DNHD1: variants seen among roughly 807,000 people sequenced by gnomAD.
DNHD1 encodes the protein dynein heavy chain domain 1.
In DNHD1, 383 loss-of-function variants were observed where a neutral mutation model predicts 458.1. The ratio of observed to expected loss-of-function variants is 0.84; its 90% CI spans 0.77 to 0.91. DNHD1 has a LOEUF of 0.91. Among genes scored for constraint, DNHD1 ranks in the 40% least tolerant of loss-of-function variants. The pLI, the probability that DNHD1 is intolerant of heterozygous loss-of-function variation, is 0.00. For missense variants in DNHD1, 5,336 were observed against 5,866.1 expected (o/e 0.91, Z 2.95); for synonymous variants, 2,203 against 2,376.9 (o/e 0.93, Z 2.13).
intron 7 of DNHD1, among the ~76,000 whole-genome samples, chr11:6,513,070 G>C (rs1852379333): frequency 6.6e-6 from 1 of 152,120 alleles, no homozygotes. Context: ...GACAATAAAT[G>C]CTGGACCTGC....
At chr11:6,525,028 T>C (rs1260513084) in intron 10 of DNHD1, among the ~76,000 whole-genome samples, 2 of 152,232 alleles carry the variant, frequency 1.3e-5, no homozygotes, top group Non-Finnish European at 2.9e-5. Context: ...AAGAGAGTTA[T>C]GTGTGGCGGA....
rs769631973 is a variant in DNHD1, at chr11:6,498,962, G to T, written c.746+1G>T. The T allele has an allele frequency of 5.6e-6, 9 of 1,594,346 alleles. No individual in the cohort carries two copies. Among genetic ancestry groups the T allele is most frequent in the Non-Finnish European group, 7.7e-6 (9 of 1,169,564 alleles). ...AGCCTGTTGGAAGAAAAGAGACCAG[G>T]TAAGTGAGGGACTCAGTCTAGGGCT... On this transcript the variant is annotated splice_donor_variant, in intron 3 of 42. Coordinates refer to ENST00000254579, the MANE Select transcript of DNHD1 (RefSeq NM_144666.3). LOFTEE classifies it high-confidence loss of function.
intron 7 of DNHD1, among the ~76,000 whole-genome samples, chr11:6,517,652 CTTTTTTTTTTTTTTT>C (rs59300977): frequency 0.056 from 3,317 of 59,298 alleles, 226 homozygotes; most frequent in African/African-American, 0.17. Context: ...TCTAGGACTT[CTTTTTTTTTTTTTTT>C]TTTTTTTTTT....
chr11:6,519,899 G>A (rs1482366971), intron 8 of DNHD1, 45 bp downstream of exon 8: 4 of 1,612,800 alleles, frequency 2.5e-6, no homozygotes, highest in Non-Finnish European at 3.4e-6. Flanking sequence ...GCAGTCCAGG[G>A]CCAGATGCTG....
Position 6,533,963 on chromosome 11 carries a change from C to G in DNHD1, c.2788C>G (p.Arg930Gly). 1 of 1,551,360 alleles carries G rather than the reference C, an allele frequency of 6.4e-7. No homozygotes were observed. The highest frequency in any genetic ancestry group is 8.7e-7 in the Non-Finnish European group (1 of 1,146,916). The change falls in exon 14 of 43, where the codon CGA becomes GGA. Residue 930 changes from arginine to glycine, a missense_variant. By Grantham distance (125) the Arg-to-Gly change is moderately radical. Coordinates refer to ENST00000254579, the MANE Select transcript of DNHD1 (RefSeq NM_144666.3). The part of the protein sequence containing the change: ...SQASEFLLSK[R>G]HAIMPKLQQL... ...GGCTTCAGAGTTCCTGCTCAGCAAG[C>G]GACATGCCATTATGCCCAAGCTGCA...
In DNHD1 at chr11:6,539,310, C is replaced by CCAGGTGGGGCCCTCAGTA; in HGVS notation, c.3420+2_3420+19dup. 4.5e-6 allele frequency: 7 copies of CCAGGTGGGGCCCTCAGTA among 1,550,580 alleles called. No individual in the cohort carries two copies. The highest frequency in any genetic ancestry group is 6.1e-6 in the Non-Finnish European group (7 of 1,146,092). ...TGCTGGAGTTTGCAGATCGAATCAA[C>CCAGGTGGGGCCCTCAGTA]CAGGTGGGGCCCTCAGTACAGGGGC... On this transcript the variant is annotated inframe_insertion, in exon 17 of 43. Transcript: ENST00000254579.
Position 6,544,773 on chromosome 11 carries a change from A to G in DNHD1, c.3853-19A>G, listed in dbSNP as rs1325190012. ...CCACTTCATATTGGCCCTCACTTTT[A>G]TCCTCTCCCTCACCACAGAACTCTC... On this transcript the variant is annotated intron_variant, in intron 20 of 42. Coordinates refer to ENST00000254579, the MANE Select transcript of DNHD1 (RefSeq NM_144666.3). 2.6e-6 allele frequency: 4 copies of G among 1,547,776 alleles called. No individual in the cohort carries two copies. In the East Asian group the frequency reaches 9.8e-5, roughly 38 times the overall value.
intron 7 of DNHD1, among the ~76,000 whole-genome samples, chr11:6,512,572 G>T (rs1274459473): frequency 6.6e-6 from 1 of 152,044 alleles, no homozygotes; most frequent in Non-Finnish European, 1.5e-5. Context: ...TCTGTTGATT[G>T]CTCTGGTTGA....
Position 6,536,275 on chromosome 11 carries a change from T to C in DNHD1, c.2998+2102T>C, listed in dbSNP as rs1322265678. Among the ~76,000 whole-genome samples, 3 of 152,182 alleles carry C rather than the reference T, an allele frequency of 2.0e-5. No individual in the cohort carries two copies. In the East Asian group the frequency reaches 5.8e-4, roughly 29 times the overall value. ...GTGCTTGACCCTGGACCAGATGCTA[T>C]AATTGAGGCAAAAAATGCAATCTAG... is the stretch of plus-strand genomic sequence containing the variant. On this transcript the variant is annotated intron_variant, in intron 14 of 42. Coordinates refer to ENST00000254579, the MANE Select transcript of DNHD1 (RefSeq NM_144666.3).
chr11:6,558,794 A>G, intron 26 of DNHD1, 101 bp downstream of exon 26: 1 of 1,498,344 alleles, frequency 6.7e-7, no homozygotes, highest in South Asian at 1.2e-5. Flanking sequence ...GAGCCTACAG[A>G]GCCCCCTTCA....
Position 6,557,598 on chromosome 11 carries a change from T to C in DNHD1, c.8303T>C (p.Ile2768Thr). 6.4e-7 allele frequency: 1 copy of C among 1,551,578 alleles called. No homozygotes were observed. The highest frequency in any genetic ancestry group is 8.7e-7 in the Non-Finnish European group (1 of 1,146,958). Residue 2768 changes from isoleucine to threonine, a missense_variant, in exon 25 of 43, where the codon ATA becomes ACA. By Grantham distance (89) the Ile-to-Thr change is moderately conservative. Coordinates refer to ENST00000254579, the MANE Select transcript of DNHD1 (RefSeq NM_144666.3). ...RGMKESISHKIRQEKGTRASN... is the reference protein window; with the variant it reads ...RGMKESISHKTRQEKGTRASN... ...ATGAAGGAAAGCATAAGTCACAAGATAAGGCAAGAGAAAGGCACAAGGGCA... is the reference window on the plus strand; with the variant it reads ...ATGAAGGAAAGCATAAGTCACAAGACAAGGCAAGAGAAAGGCACAAGGGCA...
chr11:6,538,282 G>T, intron 14 of DNHD1, 101 bp from the exon 15 acceptor site: 3 of 1,075,830 alleles, frequency 2.8e-6, no homozygotes, highest in South Asian at 3.0e-5. Flanking sequence ...ATCACTTTCT[G>T]GACCCTACCT....
At chr11:6,556,534 G>C (rs1853463110) in intron 24 of DNHD1, 149 bp from the exon 25 acceptor site, 1 of 688,566 alleles carries the variant, frequency 1.5e-6, no homozygotes, top group Non-Finnish European at 2.4e-6. Context: ...GTGGGGGAGG[G>C]AGAATAGCTT....
chr11:6,567,999 C>T, intron 36 of DNHD1, 57 bp from the exon 37 acceptor site: 2 of 1,494,538 alleles, frequency 1.3e-6, no homozygotes, highest in Non-Finnish European at 1.8e-6. Flanking sequence ...GTTTGGGTCC[C>T]TCGGGTCACC....
chr11:6,539,123 AGCTGGGCTGG>A (rs376254723), intron 16 of DNHD1, 86 bp from the exon 17 acceptor site: 62 of 846,228 alleles, frequency 7.3e-5, no homozygotes, highest in Middle Eastern at 6.9e-4. Context: ...CTGGGGTCTG[AGCTGGGCTGG>A]GCTGGGCTGG....
At chr11:6,509,630 A>G (rs1422065480) in intron 6 of DNHD1, among the ~76,000 whole-genome samples, 3 of 152,150 alleles carry the variant, frequency 2.0e-5, no homozygotes, top group South Asian at 4.1e-4. Context: ...ATTATGTGTA[A>G]TGTCAGATCT....
rs559127916 is a variant in DNHD1, at chr11:6,563,574, G to A, written c.9852+10G>A. On this transcript the variant is annotated intron_variant, in intron 30 of 42. Coordinates refer to ENST00000254579, the MANE Select transcript of DNHD1 (RefSeq NM_144666.3). ...TGAGGATTTTTATCAGGTAGGAAGG[G>A]TGGAGCACAATGAAGGAGGATAGGG... 1.4e-5 allele frequency: 22 copies of A among 1,551,188 alleles called. No homozygotes were observed. Among genetic ancestry groups the A allele is most frequent in the Non-Finnish European group, 1.9e-5 (22 of 1,146,950 alleles).
At chr11:6,509,573 A>AT in intron 6 of DNHD1, among the ~76,000 whole-genome samples, 1 of 152,236 alleles carries the variant, frequency 6.6e-6, no homozygotes, top group African/African-American at 2.4e-5. Context: ...GAATATATGC[A>AT]ATATTCTCCA....
rs1331352448 is a variant in DNHD1, at chr11:6,557,011, G to A, written c.7716G>A (p.Glu2572=). 4 of 1,551,584 alleles carry A rather than the reference G, an allele frequency of 2.6e-6. No individual in the cohort carries two copies. Among genetic ancestry groups the A allele is most frequent in the Non-Finnish European group, 3.5e-6 (4 of 1,147,006 alleles). ...TTAGGGCCTCAGTAGAGGCCTGGGA[G>A]GCTGTGTGCAATTGCTTCATGCCTT... is the stretch of plus-strand genomic sequence containing the variant. ...GLVRASVEAW[E]AVCNCFMPSP... is the part of the protein sequence containing the mutation. The change falls in exon 25 of 43, where the codon GAG becomes GAA. Residue 2572 remains glutamate, a synonymous_variant. Coordinates refer to ENST00000254579, the MANE Select transcript of DNHD1 (RefSeq NM_144666.3).
Sources: gnomAD v4.1 joint callset for allele counts (sites outside exome capture counted in the v4.1 genomes callset) on GRCh38, gnomAD v4.1.1 for gene constraint, MANE v1.5 for transcripts, NCBI Gene and HGNC (gene_info 2026-07-23, HGNC 2026-07-21) for gene names.